RGS1: variants seen among roughly 807,000 people sequenced by gnomAD.
RGS1 encodes the protein regulator of G protein signaling 1.
Under a neutral mutation model 22.2 loss-of-function variants are expected in RGS1, and 11 were observed. The observed-to-expected ratio is 0.50, with a 90% CI of 0.31 to 0.82. The LOEUF (loss-of-function observed/expected upper bound fraction) is 0.82, where lower values mean the gene tolerates loss of function less well. Ranked by LOEUF, RGS1 falls within the 40% of genes least tolerant of loss-of-function variation. The probability of loss-of-function intolerance (pLI) is 0.04; values close to 1 mark genes in which losing one functional copy is unlikely to be tolerated. For missense variants in RGS1, 255 were observed against 245.8 expected (o/e 1.04, Z -0.25); for synonymous variants, 81 against 79.9 (o/e 1.01, Z -0.07).
In RGS1 at chr1:192,579,494, G is replaced by T; in HGVS notation, c.*172G>T. 1.7e-6 allele frequency: 1 copy of T among 586,006 alleles called. No homozygotes were observed. The highest frequency in any genetic ancestry group is 2.4e-5 in the South Asian group (1 of 41,174). The allele number at this position is 586,006 out of a possible 1,614,324, so 36.3% of individuals were successfully genotyped here. On this transcript the variant is annotated 3_prime_UTR_variant, in exon 5 of 5. Transcript: ENST00000367459. ...GTTATCCAGGCGCAGAGTTGAAGAA[G>T]CATAAGCAAGACAAAAACAGAGAGA...
At position 192,578,085 on chromosome 1, in the gene RGS1, T is replaced by C. The variant is rs1337253596; in HGVS notation, c.281-137T>C. ...ATCTCTACAATCTATAACACAGCTA[T>C]TTCAGCAGTAGCTGTCTCTTACCTT... On this transcript the variant is annotated intron_variant, in intron 3 of 4. Transcript: ENST00000367459. 4.0e-6 allele frequency: 4 copies of C among 990,052 alleles called. No homozygotes were observed. The East Asian group carries it at 7.5e-5, about 19-fold the overall frequency. 61.3% of individuals were successfully genotyped at this position (990,052 alleles called of 1,614,324 possible). A position where few individuals can be genotyped will look rare whatever the true frequency, so the allele number is the denominator to read the frequency against.
rs1486335306 is a variant in RGS1, at chr1:192,580,020, T to C, written c.*698T>C. ...ATTTTAAAAATAAATAAATAATTCA[T>C]TTAAGATTCTTCTTTCTACCATCTC... On this transcript the variant is annotated 3_prime_UTR_variant, in exon 5 of 5. Transcript: ENST00000367459. 6.6e-6 allele frequency: 1 copy of C among 152,098 alleles called. No individual in the cohort carries two copies. The highest frequency in any genetic ancestry group is 1.9e-4 in the East Asian group (1 of 5,200). 9.4% of individuals were successfully genotyped at this position (152,098 alleles called of 1,614,324 possible). A position where few individuals can be genotyped will look rare whatever the true frequency, so the allele number is the denominator to read the frequency against.
chr1:192,577,903 A>T, intron 3 of RGS1: 1 of 271,648 alleles, frequency 3.7e-6, no homozygotes, highest in Non-Finnish European at 7.0e-6. Flanking sequence ...CATATATAAA[A>T]GATGGTTTTA....
chr1:192,576,160 T>C lies in RGS1; in HGVS notation c.138-125T>C, dbSNP rs1571547894. The C allele has an allele frequency of 3.2e-6, 3 of 927,144 alleles. No individual in the cohort carries two copies. The South Asian group carries it at 5.2e-5, about 16-fold the overall frequency. 57.4% of individuals were successfully genotyped at this position (927,144 alleles called of 1,614,324 possible). A position where few individuals can be genotyped will look rare whatever the true frequency, so the allele number is the denominator to read the frequency against. ...CACAGGCTCATAAAAATGGGTTCTA[T>C]AGCAAAATGTTGTATCAACCATTTT... On this transcript the variant is annotated intron_variant, in intron 1 of 4. Coordinates refer to ENST00000367459, the MANE Select transcript of RGS1 (RefSeq NM_002922.4).
At chr1:192,577,361 T>C (rs1299354310) in intron 3 of RGS1, 1 of 152,150 alleles carries the variant, frequency 6.6e-6, no homozygotes, top group Non-Finnish European at 1.5e-5. Flanking sequence ...ACATAAATAA[T>C]TGCATTATTA....
intron 1 of RGS1, 175 bp downstream of exon 1, chr1:192,576,104 T>C (rs1210834517): frequency 1.1e-5 from 10 of 937,744 alleles, no homozygotes; most frequent in Non-Finnish European, 1.6e-5. Flanking sequence ...AATCTTGATA[T>C]GGCATTAAAT....
intron 3 of RGS1, chr1:192,577,908 G>A (rs1662092259): frequency 3.5e-6 from 1 of 289,094 alleles, no homozygotes; most frequent in East Asian, 6.9e-5. Flanking sequence ...ATAAAAGATG[G>A]TTTTATATTC....
rs1662134775 is a variant in RGS1, at chr1:192,579,804, G to A, written c.*482G>A. ...CTTGTCGGTGTTATTTTATTTTATT[G>A]TTTTTGACTTTGGAAGAGATGAACT... On this transcript the variant is annotated 3_prime_UTR_variant, in exon 5 of 5. Coordinates refer to ENST00000367459, the MANE Select transcript of RGS1 (RefSeq NM_002922.4). 6.6e-6 allele frequency: 1 copy of A among 152,122 alleles called. No homozygotes were observed. Among genetic ancestry groups the A allele is most frequent in the Non-Finnish European group, 1.5e-5 (1 of 68,040 alleles). The allele number at this position is 152,122 out of a possible 1,614,324, so 9.4% of individuals were successfully genotyped here.
Sources: gnomAD v4.1 joint callset for allele counts on GRCh38, gnomAD v4.1.1 for gene constraint, MANE v1.5 for transcripts, NCBI Gene and HGNC (gene_info 2026-07-23, HGNC 2026-07-21) for gene names.